Variants in TPM4 observed in about 807,000 individuals in gnomAD.
TPM4 encodes the protein tropomyosin 4.
In TPM4, 17 loss-of-function variants were observed where a neutral mutation model predicts 35.8. The ratio of observed to expected loss-of-function variants is 0.47; its 90% CI spans 0.32 to 0.71. The LOEUF (loss-of-function observed/expected upper bound fraction) is 0.71. Among genes scored for constraint, TPM4 ranks in the 30% least tolerant of loss-of-function variants. The probability of loss-of-function intolerance (pLI) is 0.03; values close to 1 mark genes in which losing one functional copy is unlikely to be tolerated. For synonymous variants in TPM4, 120 were observed against 122.9 expected (o/e 0.98, Z 0.15); for missense variants, 240 against 320.9 (o/e 0.75, Z 1.93).
intron 2 of TPM4, among the ~76,000 whole-genome samples, chr19:16,084,798 G>A (rs2090527353): frequency 6.6e-6 from 1 of 152,132 alleles, no homozygotes; most frequent in Admixed American, 6.6e-5. Flanking sequence ...GTACAGGTGG[G>A]GGAGGGTGTT....
chr19:16,102,282 T>C lies in TPM4; in HGVS notation c.*936T>C, dbSNP rs1208759988. The C allele has an allele frequency of 1.0e-5, 2 of 192,268 alleles. No individual in the cohort carries two copies. The highest frequency in any genetic ancestry group is 2.2e-5 in the Non-Finnish European group (2 of 92,020). The allele number at this position is 192,268 out of a possible 1,614,324, so 11.9% of individuals were successfully genotyped here. ...TGAACCCAGGAAGTGGAGACTGCAG[T>C]GAGCCGATATCGCACCACAGCGCTC... On this transcript the variant is annotated 3_prime_UTR_variant, in exon 8 of 8. Transcript: ENST00000643579.
intron 7 of TPM4, among the ~76,000 whole-genome samples, chr19:16,096,968 T>TTTC (rs1209305317): frequency 9.9e-5 from 10 of 101,222 alleles, no homozygotes; most frequent in Non-Finnish European, 1.8e-4. Context: ...TTTTTTTTTT[T>TTTC]TTCAAGACAG....
upstream of TPM4, among the ~76,000 whole-genome samples, chr19:16,073,963 C>CAAAAAACAAA (rs2090379628): frequency 1.3e-4 from 9 of 71,908 alleles, no homozygotes; most frequent in South Asian, 5.1e-4. Context: ...AAAAAAAACG[C>CAAAAAACAAA]AAAAAAAAAA....
intron 5 of TPM4, among the ~76,000 whole-genome samples, chr19:16,091,522 T>A (rs1434511165): frequency 6.6e-6 from 1 of 152,154 alleles, no homozygotes; most frequent in Non-Finnish European, 1.5e-5. Flanking sequence ...TGCCTGTAAT[T>A]CCAGCACTTT....
At chr19:16,101,208 C>G (rs1428440233) in intron 7 of TPM4, 56 bp from the exon 8 acceptor site, 1 of 1,341,452 alleles carries the variant, frequency 7.5e-7, no homozygotes, top group Non-Finnish European at 1.0e-6. Flanking sequence ...TTTTTTCTTT[C>G]ATTTAACAAA....
chr19:16,101,134 G>A (rs548707297), intron 7 of TPM4, 130 bp from the exon 8 acceptor site: 116 of 679,158 alleles, frequency 1.7e-4, no homozygotes, highest in Non-Finnish European at 2.5e-4. Context: ...TCGCGCCACT[G>A]CACTCCAGCC....
intron 1 of TPM4, among the ~76,000 whole-genome samples, chr19:16,078,444 C>T (rs1049380638): frequency 2.6e-5 from 4 of 152,176 alleles, no homozygotes; most frequent in African/African-American, 7.2e-5. Flanking sequence ...CTGGAAAGAG[C>T]CCAGATGGGG....
rs2090411338 is a variant in TPM4, at chr19:16,076,717, GC to G, written c.132+24del. ...GAGAAAGTGAGCGCCCCGGCCTCGG[GC>G]CCCGCACCCGCAGCCTCCTCCCCCG... On this transcript the variant is annotated intron_variant, in intron 1 of 7. Transcript: ENST00000643579. 1.5e-6 allele frequency: 2 copies of G among 1,318,434 alleles called. No homozygotes were observed. Among genetic ancestry groups the G allele is most frequent in the East Asian group, 3.2e-5 (1 of 31,672 alleles). 81.7% of individuals were successfully genotyped at this position (1,318,434 alleles called of 1,614,324 possible). A position where few individuals can be genotyped will look rare whatever the true frequency, so the allele number is the denominator to read the frequency against.
intron 1 of TPM4, 74 bp downstream of exon 1, chr19:16,076,771 G>A: frequency 7.8e-7 from 1 of 1,283,048 alleles, no homozygotes; most frequent in Non-Finnish European, 9.9e-7. Context: ...CCGGCTTCCC[G>A]CGCTGCCCGC....
At position 16,094,968 on chromosome 19, in the gene TPM4, A is replaced by C. The variant is rs186133828; in HGVS notation, c.664+1215A>C. Among the ~76,000 whole-genome samples, 4 of 152,238 alleles carry C rather than the reference A, an allele frequency of 2.6e-5. No homozygotes were observed. The East Asian group carries it at 7.7e-4, about 29-fold the overall frequency. On this transcript the variant is annotated intron_variant, in intron 7 of 7. Transcript: ENST00000643579. The stretch of plus-strand genomic sequence containing the variant: ...GGTGACGTCATTGGAAATCCGAAAT[A>C]AACTGAGGGGTGGGGACCAGTGGGG...
intron 2 of TPM4, 117 bp downstream of exon 2, chr19:16,082,163 C>T: frequency 7.3e-7 from 1 of 1,369,108 alleles, no homozygotes. Flanking sequence ...ATGCATGTGT[C>T]CACAAAAAAG....
intron 2 of TPM4, among the ~76,000 whole-genome samples, chr19:16,082,815 G>A (rs1158206606): frequency 1.3e-5 from 2 of 151,846 alleles, no homozygotes; most frequent in African/African-American, 4.8e-5. Context: ...AATGTGGTGA[G>A]ACCCTGTCTC....
At chr19:16,086,586 A>G in intron 3 of TPM4, 46 bp downstream of exon 3, 1 of 1,530,844 alleles carries the variant, frequency 6.5e-7, no homozygotes. Context: ...GTGGGAGGAA[A>G]TGCATCTGCT....
At chr19:16,068,743 G>T (rs1052915010) in intron 2 of TPM4, among the ~76,000 whole-genome samples, 3 of 152,302 alleles carry the variant, frequency 2.0e-5, no homozygotes, top group Non-Finnish European at 4.4e-5. Context: ...TTGTGTGTGT[G>T]AGAGCAGTTC....
chr19:16,099,148 C>T (rs898272671), intron 7 of TPM4, among the ~76,000 whole-genome samples: 2 of 151,884 alleles, frequency 1.3e-5, no homozygotes, highest in African/African-American at 4.8e-5. Flanking sequence ...GACGCAATCT[C>T]GGCTCACTGC....
At chr19:16,081,785 T>C (rs1820519290) in intron 1 of TPM4, 128 bp from the exon 2 acceptor site, 1 of 1,277,040 alleles carries the variant, frequency 7.8e-7, no homozygotes, top group Non-Finnish European at 1.0e-6. Flanking sequence ...GTAAATTCCC[T>C]ATGGCCTGGA....
At chr19:16,100,720 AG>A (rs2090753859) in intron 7 of TPM4, 1 of 152,476 alleles carries the variant, frequency 6.6e-6, no homozygotes, top group Non-Finnish European at 1.5e-5. Flanking sequence ...CGGGAGGCTG[AG>A]GTGGGAGGAT....
chr19:16,087,975 G>C, intron 3 of TPM4, 52 bp from the exon 4 acceptor site: 1 of 1,574,196 alleles, frequency 6.4e-7, no homozygotes, highest in South Asian at 1.2e-5. Context: ...GTGGATGGGA[G>C]AGGACACGGC....
chr19:16,076,190 C>T, upstream of TPM4: 2 of 1,552,334 alleles, frequency 1.3e-6, no homozygotes, highest in Non-Finnish European at 8.7e-7. Flanking sequence ...TGCAGGGATG[C>T]GGGAGCCCGC....
Sources: allele counts gnomAD v4.1 joint callset (sites outside exome capture counted in the v4.1 genomes callset), GRCh38; gene constraint gnomAD v4.1.1; transcripts MANE v1.5; gene names NCBI Gene and HGNC (gene_info 2026-07-23, HGNC 2026-07-21).